The following ANO2 variants were observed in gnomAD, a reference collection of about 807,000 sequenced individuals.
ANO2 encodes anoctamin-2.
ANO2 carries 101 observed loss-of-function variants against 124.2 expected under a neutral mutation model. That is an observed-to-expected ratio of 0.81 (90% CI 0.69 to 0.96). The LOEUF (loss-of-function observed/expected upper bound fraction) is 0.96, where lower values mean the gene tolerates loss of function less well. Among genes scored for constraint, ANO2 ranks in the 40% least tolerant of loss-of-function variants. The pLI, the probability that ANO2 is intolerant of heterozygous loss-of-function variation, is 0.00. For missense variants in ANO2, 1,293 were observed against 1,274.5 expected (o/e 1.01, Z -0.22); for synonymous variants, 486 against 482.5 (o/e 1.01, Z -0.09).
In ANO2 at chr12:5,826,820, T is replaced by C. The variant is rs117724192; in HGVS notation, c.892+949A>G. On this transcript the variant is annotated intron_variant, in intron 7 of 24. Transcript: ENST00000682330. Reference sequence around the variant, plus strand: ...AATATTAGCTAGCTAACATCATCATTATCATTGTTATTCCTGAGCCTGATC... The same window carrying C: ...AATATTAGCTAGCTAACATCATCATCATCATTGTTATTCCTGAGCCTGATC... 9.8e-4 allele frequency among the ~76,000 whole-genome samples: 149 copies of C among 152,180 alleles called. 4 individuals carry two copies. In the East Asian group the frequency reaches 0.026, roughly 26 times the overall value.
intron 3 of ANO2, among the ~76,000 whole-genome samples, chr12:5,899,146 C>A (rs928137694): frequency 6.6e-6 from 1 of 152,206 alleles, no homozygotes; most frequent in Admixed American, 6.5e-5. Context: ...ACAGTAAACT[C>A]ATTGATTGAG....
chr12:5,642,833 C>G (rs1457353883), intron 15 of ANO2, among the ~76,000 whole-genome samples: 1 of 152,158 alleles, frequency 6.6e-6, no homozygotes, highest in Non-Finnish European at 1.5e-5. Context: ...CACTGTGGCT[C>G]TTTCCTGCTG....
chr12:5,696,287 AAAC>A (rs1949171995), intron 14 of ANO2, among the ~76,000 whole-genome samples: 1 of 152,202 alleles, frequency 6.6e-6, no homozygotes, highest in South Asian at 2.1e-4. Context: ...AAAGAAACGC[AAAC>A]AACATTTAAA....
intron 10 of ANO2, among the ~76,000 whole-genome samples, chr12:5,777,384 T>C (rs761705849): frequency 1.3e-4 from 19 of 151,804 alleles, no homozygotes; most frequent in Middle Eastern, 6.8e-3. Context: ...AGAGACAAGG[T>C]CATTGGGAGC....
intron 14 of ANO2, among the ~76,000 whole-genome samples, chr12:5,710,954 C>T (rs1392573352): frequency 6.6e-6 from 1 of 151,792 alleles, no homozygotes; most frequent in Non-Finnish European, 1.5e-5. Flanking sequence ...GTCAGGAGAT[C>T]GAGACCATCC....
intron 20 of ANO2, among the ~76,000 whole-genome samples, chr12:5,587,370 C>T (rs954152056): frequency 2.0e-5 from 3 of 152,190 alleles, no homozygotes; most frequent in Admixed American, 6.5e-5. Flanking sequence ...TCACTAAACT[C>T]TTCCGGGATT....
intron 10 of ANO2, among the ~76,000 whole-genome samples, chr12:5,788,928 C>A (rs2137145820): frequency 6.6e-6 from 1 of 152,352 alleles, no homozygotes; most frequent in African/African-American, 2.4e-5. Flanking sequence ...GCTGAGAGGT[C>A]TGAGTCTGGG....
At chr12:5,617,713 AGATCACACTGTACCACACTCTCCG>A (rs1303004896) in intron 16 of ANO2, among the ~76,000 whole-genome samples, 1 of 152,170 alleles carries the variant, frequency 6.6e-6, no homozygotes, top group African/African-American at 2.4e-5. Context: ...CACAACCTCA[AGATCACACTGTACCACACTCTCCG>A]GATCACAGTG....
chr12:5,580,693 C>T (rs1056024239), intron 20 of ANO2, among the ~76,000 whole-genome samples: 2 of 152,138 alleles, frequency 1.3e-5, no homozygotes, highest in African/African-American at 4.8e-5. Flanking sequence ...TAAGAGCAAC[C>T]ACAATAGAAG....
chr12:5,827,326 T>TCC (rs1388073260), intron 7 of ANO2, among the ~76,000 whole-genome samples: 2 of 151,236 alleles, frequency 1.3e-5, no homozygotes, highest in African/African-American at 4.9e-5. Flanking sequence ...TCACGTGCTG[T>TCC]GTGGGCTTAG....
chr12:5,921,089 A>G lies in ANO2; in HGVS notation c.485T>C (p.Phe162Ser). 6.2e-7 allele frequency: 1 copy of G among 1,613,644 alleles called. No individual in the cohort carries two copies. Among genetic ancestry groups the G allele is most frequent in the Non-Finnish European group, 8.5e-7 (1 of 1,179,682 alleles). ...EEERKEQREE[F>S]EHNLMEAGLE... The stretch of plus-strand genomic sequence containing the variant: ...TCCAGCCTCCATCAGATTGTGCTCA[A>G]ATTCCTCCCGCTGCTCCTTCCTCTC... The change falls in exon 3 of 25, where the codon TTT (phenylalanine) becomes TCT (serine). Residue 162 changes from phenylalanine to serine, a missense_variant. Phe to Ser is a radical substitution (Grantham distance 155). Coordinates refer to ENST00000682330, the MANE Select transcript of ANO2 (RefSeq NM_001364791.2).
intron 15 of ANO2, among the ~76,000 whole-genome samples, chr12:5,638,053 T>A (rs1371059157): frequency 6.6e-6 from 1 of 152,066 alleles, no homozygotes; most frequent in African/African-American, 2.4e-5. Flanking sequence ...CTATGTACAG[T>A]CTTTAGTCTC....
chr12:5,568,303 G>A (rs779379778), intron 23 of ANO2, among the ~76,000 whole-genome samples: 3 of 151,674 alleles, frequency 2.0e-5, no homozygotes, highest in Admixed American at 6.6e-5. Flanking sequence ...CACCACACCC[G>A]GCTAATTTTT....
chr12:5,782,681 G>A (rs1464001973), intron 10 of ANO2, among the ~76,000 whole-genome samples: 1 of 152,088 alleles, frequency 6.6e-6, no homozygotes, highest in African/African-American at 2.4e-5. Context: ...AGGTTTTTCG[G>A]GTGATTCTGG....
At chr12:5,726,825 G>A (rs1950459398) in intron 14 of ANO2, among the ~76,000 whole-genome samples, 1 of 152,150 alleles carries the variant, frequency 6.6e-6, no homozygotes, top group Admixed American at 6.5e-5. Flanking sequence ...ATGGGTTGAT[G>A]ACCAACATCA....
chr12:5,590,635 T>A (rs1356699951), intron 20 of ANO2, among the ~76,000 whole-genome samples: 3 of 152,180 alleles, frequency 2.0e-5, no homozygotes, highest in Admixed American at 1.3e-4. Context: ...TTGGCCTCAG[T>A]AGGTGGTTTC....
intron 7 of ANO2, among the ~76,000 whole-genome samples, chr12:5,812,023 C>A (rs1384486051): frequency 6.6e-6 from 1 of 150,976 alleles, no homozygotes; most frequent in Admixed American, 6.6e-5. Context: ...TAAACACCAC[C>A]CCCCAAAAGA....
intron 20 of ANO2, among the ~76,000 whole-genome samples, chr12:5,593,348 C>G (rs918832658): frequency 6.6e-6 from 1 of 152,150 alleles, no homozygotes; most frequent in Non-Finnish European, 1.5e-5. Flanking sequence ...ACTAGAGGAA[C>G]AAAAGCTTGT....
At chr12:5,739,773 C>A in intron 12 of ANO2, 1 of 423,550 alleles carries the variant, frequency 2.4e-6, no homozygotes, top group Non-Finnish European at 4.7e-6. Flanking sequence ...CGCATACATT[C>A]TTTCCTCCTT....
Sources: gnomAD v4.1 joint callset for allele counts (sites outside exome capture counted in the v4.1 genomes callset) on GRCh38, gnomAD v4.1.1 for gene constraint, MANE v1.5 for transcripts, NCBI Gene and HGNC (gene_info 2026-07-23, HGNC 2026-07-21) for gene names.